CFAP54: variants seen among roughly 807,000 people sequenced by gnomAD.
CFAP54 encodes cilia and flagella associated protein 54, also known as cilia- and flagella-associated protein 54.
A neutral mutation model predicts 370.4 loss-of-function variants in CFAP54; 290 were observed. The ratio of observed to expected loss-of-function variants is 0.78; its 90% CI spans 0.71 to 0.86. The LOEUF (loss-of-function observed/expected upper bound fraction) is 0.86, where lower values mean the gene tolerates loss of function less well. Among genes scored for constraint, CFAP54 ranks in the 40% least tolerant of loss-of-function variants. The probability of loss-of-function intolerance (pLI) is 0.00; values close to 1 mark genes in which losing one functional copy is unlikely to be tolerated. For synonymous variants in CFAP54, 1,206 were observed against 1,236.5 expected, an observed-to-expected ratio of 0.98 and a Z score of 0.52; for missense variants, 3,399 against 3,528.7, an observed-to-expected ratio of 0.96 and a Z score of 0.93.
intron 67 of CFAP54, among the ~76,000 whole-genome samples, chr12:96,865,226 T>G (rs1297442691): frequency 6.6e-6 from 1 of 152,192 alleles, no homozygotes; most frequent in Non-Finnish European, 1.5e-5. Context: ...AATAGTGGCA[T>G]AGTCATACAA....
intron 39 of CFAP54, among the ~76,000 whole-genome samples, chr12:96,668,608 A>T (rs927073730): frequency 2.0e-5 from 3 of 152,242 alleles, no homozygotes; most frequent in Non-Finnish European, 4.4e-5. Context: ...CATGGGGATT[A>T]TGGGAGCTAC....
Position 96,534,381 on chromosome 12 carries a change from G to A in CFAP54, c.1705+154G>A, listed in dbSNP as rs1442458991. 5.3e-5 allele frequency among the ~76,000 whole-genome samples: 8 copies of A among 152,256 alleles called. No homozygotes were observed. The East Asian group carries it at 1.5e-3, about 29-fold the overall frequency. On this transcript the variant is annotated intron_variant, in intron 11 of 67. Coordinates refer to ENST00000524981, the MANE Select transcript of CFAP54 (RefSeq NM_001306084.2). ...TTGGTGATTGCAGGAATGGCATGGG[G>A]GTATGTGTGACCAAGTGTGGTAGGT...
intron 39 of CFAP54, among the ~76,000 whole-genome samples, chr12:96,675,704 A>T (rs1308197523): frequency 6.6e-6 from 1 of 152,184 alleles, no homozygotes; most frequent in East Asian, 1.9e-4. Context: ...TCCAACAATG[A>T]TAGACTGGAT....
At chr12:96,667,342 A>G (rs1957092655) in intron 39 of CFAP54, among the ~76,000 whole-genome samples, 1 of 152,116 alleles carries the variant, frequency 6.6e-6, no homozygotes, top group Non-Finnish European at 1.5e-5. Flanking sequence ...CCTTCTGACT[A>G]CCCTGACAGA....
intron 19 of CFAP54, among the ~76,000 whole-genome samples, chr12:96,565,983 T>C (rs370318110): frequency 5.9e-5 from 9 of 152,190 alleles, no homozygotes; most frequent in East Asian, 5.8e-4. Flanking sequence ...CAAGATCTGA[T>C]AGTTTAATAA....
rs1049613347 is a variant in CFAP54, at chr12:96,647,834, T to G, written c.4548-41T>G. ...GCATTTGACAGATTTAATTCAATTT[T>G]GCTTATATTGTTTTTTAATATGATT... On this transcript the variant is annotated intron_variant, in intron 33 of 67. Transcript: ENST00000524981. The G allele has an allele frequency of 1.9e-5, 27 of 1,446,374 alleles. 1 individual carries two copies. Among genetic ancestry groups the G allele is most frequent in the Non-Finnish European group, 2.3e-5 (25 of 1,100,242 alleles). 89.6% of individuals were successfully genotyped at this position (1,446,374 alleles called of 1,614,324 possible). A position where few individuals can be genotyped will look rare whatever the true frequency, so the allele number is the denominator to read the frequency against.
At chr12:96,827,099 A>G (rs1218463735) in intron 65 of CFAP54, among the ~76,000 whole-genome samples, 4 of 123,962 alleles carry the variant, frequency 3.2e-5, no homozygotes, top group African/African-American at 1.2e-4. Context: ...TATAATGTGC[A>G]ATTATATGTG....
intron 66 of CFAP54, among the ~76,000 whole-genome samples, chr12:96,853,904 A>T (rs1040863273): frequency 6.6e-6 from 1 of 151,894 alleles, no homozygotes; most frequent in Non-Finnish European, 1.5e-5. Context: ...CTGGAGGCTC[A>T]ATGACAAGGT....
At chr12:96,552,849 C>T (rs1715686896) in intron 15 of CFAP54, among the ~76,000 whole-genome samples, 1 of 152,170 alleles carries the variant, frequency 6.6e-6, no homozygotes, top group Non-Finnish European at 1.5e-5. Flanking sequence ...TCCAGCATCT[C>T]ATTTCTGTAT....
intron 25 of CFAP54, among the ~76,000 whole-genome samples, chr12:96,595,698 C>T (rs559890214): frequency 6.7e-4 from 102 of 152,228 alleles, no homozygotes; most frequent in Non-Finnish European, 1.3e-3. Flanking sequence ...AAAATCTAGA[C>T]TCATAGTTGA....
chr12:96,621,808 T>G lies in CFAP54; in HGVS notation c.3771+87T>G, dbSNP rs373923928. ...TAGTATTATTAAACATATTAGAAAA[T>G]TGGTAAGTTTTACATTTGTTATATT... On this transcript the variant is annotated intron_variant, in intron 27 of 67. Transcript: ENST00000524981. 2.6e-5 allele frequency: 26 copies of G among 1,000,810 alleles called. 1 individual carries two copies. In the South Asian group the frequency reaches 7.8e-4, roughly 30 times the overall value. 62.0% of individuals were successfully genotyped at this position (1,000,810 alleles called of 1,614,324 possible).
In CFAP54 at chr12:96,504,080, A is replaced by G. The variant is rs983235077; in HGVS notation, c.567+51A>G. On this transcript the variant is annotated intron_variant, in intron 3 of 67. Coordinates refer to ENST00000524981, the MANE Select transcript of CFAP54 (RefSeq NM_001306084.2). ...GCTACAATTTATGATTAGCTATACA[A>G]TGTATCTTTTAGTTGACAGCTTCTA... The G allele has an allele frequency of 3.3e-4, 480 of 1,433,714 alleles. 3 individuals carry two copies. The highest frequency in any genetic ancestry group is 3.3e-4 in the Non-Finnish European group (361 of 1,096,176). 88.8% of individuals were successfully genotyped at this position (1,433,714 alleles called of 1,614,324 possible). A position where few individuals can be genotyped will look rare whatever the true frequency, so the allele number is the denominator to read the frequency against.
intron 67 of CFAP54, among the ~76,000 whole-genome samples, chr12:96,866,460 T>G (rs1402509136): frequency 6.6e-6 from 1 of 152,136 alleles, no homozygotes; most frequent in Non-Finnish European, 1.5e-5. Context: ...TTGCTTTTGT[T>G]CCTGTTTGAT....
chr12:96,773,404 C>T (rs929841171), intron 60 of CFAP54, among the ~76,000 whole-genome samples: 1 of 152,212 alleles, frequency 6.6e-6, no homozygotes, highest in Non-Finnish European at 1.5e-5. Flanking sequence ...CCAAGTCTTG[C>T]ATGAATGCAC....
Position 96,700,195 on chromosome 12 carries a change from A to G in CFAP54, c.6474+102A>G. The G allele has an allele frequency of 2.3e-6, 3 of 1,283,026 alleles. No homozygotes were observed. In the South Asian group the frequency reaches 4.1e-5, roughly 18 times the overall value. The allele number at this position is 1,283,026 out of a possible 1,614,324, so 79.5% of individuals were successfully genotyped here. A position where few individuals can be genotyped will look rare whatever the true frequency, so the allele number is the denominator to read the frequency against. ...CGAAAGTGTATTTACAATCTCTGGT[A>G]TTTTAGCCCTCTTTGTTAAGCCTGG... On this transcript the variant is annotated intron_variant, in intron 46 of 67. Coordinates refer to ENST00000524981, the MANE Select transcript of CFAP54 (RefSeq NM_001306084.2).
At chr12:96,853,597 G>T (rs1959617219) in intron 66 of CFAP54, among the ~76,000 whole-genome samples, 1 of 152,148 alleles carries the variant, frequency 6.6e-6, no homozygotes, top group Admixed American at 6.5e-5. Flanking sequence ...TGTTTGGCAA[G>T]AGGAAAATAT....
intron 50 of CFAP54, among the ~76,000 whole-genome samples, chr12:96,738,650 C>G (rs1341640759): frequency 7.2e-6 from 1 of 138,020 alleles, no homozygotes; most frequent in Non-Finnish European, 1.5e-5. Context: ...CTCACTCTGT[C>G]GCCGGGCTGG....
intron 19 of CFAP54, among the ~76,000 whole-genome samples, chr12:96,575,723 G>T (rs1026570325): frequency 6.6e-6 from 1 of 152,050 alleles, no homozygotes; most frequent in African/African-American, 2.4e-5. Flanking sequence ...TCTTACATCT[G>T]AATGCATATT....
chr12:96,594,738 C>A (rs1225254675), intron 25 of CFAP54, among the ~76,000 whole-genome samples: 4 of 151,928 alleles, frequency 2.6e-5, no homozygotes, highest in Non-Finnish European at 5.9e-5. Flanking sequence ...TTTTTATGTT[C>A]TTGTAGTGTC....
Sources: allele counts gnomAD v4.1 joint callset (sites outside exome capture counted in the v4.1 genomes callset), GRCh38; gene constraint gnomAD v4.1.1; transcripts MANE v1.5; gene names NCBI Gene and HGNC (gene_info 2026-07-23, HGNC 2026-07-21).